Variants in TMC6 observed in about 807,000 individuals in gnomAD.
TMC6 encodes transmembrane channel-like protein 6.
A neutral mutation model predicts 95.4 loss-of-function variants in TMC6; 71 were observed. That is an observed-to-expected ratio of 0.74 (90% CI 0.61 to 0.91). The LOEUF is 0.91. TMC6 is among the 40% of genes least tolerant of loss of function. The pLI is 0.00. For synonymous variants in TMC6, 514 were observed against 483.1 expected (o/e 1.06, Z -0.84); for missense variants, 1,074 against 1,079.1 (o/e 1.00, Z 0.07).
intron 4 of TMC6, 43 bp from the exon 5 acceptor site, chr17:78,125,927 C>T (rs374497811): frequency 2.0e-5 from 31 of 1,549,028 alleles, no homozygotes; most frequent in Admixed American, 3.9e-5. Flanking sequence ...CAGGGCCAGG[C>T]CTCCCTCCCC....
intron 8 of TMC6, 43 bp from the exon 9 acceptor site, chr17:78,124,222 C>A: frequency 6.2e-7 from 1 of 1,605,578 alleles, no homozygotes; most frequent in East Asian, 2.2e-5. Flanking sequence ...TTTCCCCACG[C>A]CCCACCCGAC....
chr17:78,123,996 C>A lies in TMC6; in HGVS notation c.1075G>T (p.Val359Leu), dbSNP rs145227095. The change falls in exon 9 of 20, where the codon GTG (valine) becomes TTG (leucine). Residue 359 changes from valine (V) to leucine (L), a missense_variant. Transcript: ENST00000590602. The part of the protein sequence containing the change: ...VSFFITCITL[V>L]YSMAHSFGES... ...ATGAGGTGGAGGCATTACCTGTACA[C>A]CAGGGTGATGCAGGTGATAAAGAAG... 41 of 1,613,770 alleles carry A rather than the reference C, an allele frequency of 2.5e-5. No individual in the cohort carries two copies. In the African/African-American group the frequency reaches 4.9e-4, roughly 19 times the overall value.
chr17:78,124,478 G>A, intron 8 of TMC6, 46 bp downstream of exon 8: 1 of 1,599,596 alleles, frequency 6.3e-7, no homozygotes, highest in Admixed American at 1.7e-5. Context: ...TACCAGGGTA[G>A]CAGAAGACAG....
chr17:78,120,058 C>A, intron 13 of TMC6: 1 of 380,160 alleles, frequency 2.6e-6, no homozygotes, highest in Non-Finnish European at 5.1e-6. Flanking sequence ...CAGCGGAATA[C>A]CTGGAACATT....
In TMC6 at chr17:78,117,580, C is replaced by A. The variant is rs1462962579; in HGVS notation, c.2086G>T (p.Val696Leu). The change falls in exon 17 of 20, where the codon GTG becomes TTG. Residue 696 changes from valine to leucine, a missense_variant. Physicochemically the swap from Val to Leu is conservative, Grantham distance 32. Coordinates refer to ENST00000590602, the MANE Select transcript of TMC6 (RefSeq NM_001127198.5). The stretch of plus-strand genomic sequence containing the variant: ...GCCGCCTCCAGGTGGCGCACCCACA[C>A]CCTGCCGGCCTCGTACATGGTGTCC... ...TLDTMYEAGRVWVRHLEAAGP... is the reference protein window; with the variant it reads ...TLDTMYEAGRLWVRHLEAAGP... The A allele has an allele frequency of 1.4e-5, 22 of 1,586,222 alleles. No homozygotes were observed. Among genetic ancestry groups the A allele is most frequent in the Non-Finnish European group, 1.7e-5 (20 of 1,167,802 alleles).
intron 18 of TMC6, among the ~76,000 whole-genome samples, chr17:78,116,079 G>A (rs1197569495): frequency 6.6e-6 from 1 of 151,564 alleles, no homozygotes; most frequent in Non-Finnish European, 1.5e-5. Context: ...GCGCAATCTG[G>A]GCTGATTCTC....
chr17:78,127,567 C>G (rs2074786163), intron 1 of TMC6, among the ~76,000 whole-genome samples: 1 of 152,240 alleles, frequency 6.6e-6, no homozygotes, highest in South Asian at 2.1e-4. Context: ...TCTGCCGTCA[C>G]CCGGCACAAC....
rs572502733 is a variant in TMC6 at position 78,109,377 on chromosome 17, G to A, written c.*3771C>T. The A allele has an allele frequency of 2.9e-5, 13 of 448,372 alleles. No individual in the cohort carries two copies. The East Asian group carries it at 4.9e-4, about 17-fold the overall frequency. The allele number at this position is 448,372 out of a possible 1,614,324, so 27.8% of individuals were successfully genotyped here. A position where few individuals can be genotyped will look rare whatever the true frequency, so the allele number is the denominator to read the frequency against. On this transcript the variant is annotated 3_prime_UTR_variant, in exon 20 of 20. Transcript: ENST00000590602. ...CCAAGAAAACCTACGCAGGATCCAC[G>A]TGGAAACAAAGCTGCTTAGCTCTGC... is the stretch of plus-strand genomic sequence containing the variant.
At chr17:78,114,407 T>C (rs746408727) in intron 18 of TMC6, among the ~76,000 whole-genome samples, 37 of 152,262 alleles carry the variant, frequency 2.4e-4, no homozygotes, top group Middle Eastern at 3.4e-3. Flanking sequence ...GCAATCGTAA[T>C]TCCCCAGCCA....
At position 78,125,733 on chromosome 17, in the gene TMC6, C is replaced by T; in HGVS notation, c.423G>A (p.Glu141=). 2 of 1,566,156 alleles carry T rather than the reference C, an allele frequency of 1.3e-6. No individual in the cohort carries two copies. Among genetic ancestry groups the T allele is most frequent in the South Asian group, 1.2e-5 (1 of 85,206 alleles). Residue 141 remains glutamate, a synonymous_variant, in exon 5 of 20, where the codon GAG becomes GAA. Coordinates refer to ENST00000590602, the MANE Select transcript of TMC6 (RefSeq NM_001127198.5). ...YDLELDPTAL[E]EEEKQSLLVK... is the part of the protein sequence containing the mutation. ...CAGTGCCCACTCACTCACCCTCCTC[C>T]TCCAGGGCCGTGGGGTCCAGCTCCA...
Position 78,117,574 on chromosome 17 carries a change from C to T in TMC6, c.2092G>A (p.Val698Met). The change falls in exon 17 of 20, where the codon GTG becomes ATG. Residue 698 changes from valine to methionine, a missense_variant. By Grantham distance (21) the Val-to-Met change is conservative. Transcript: ENST00000590602. ...GGGCCTGCCGCCTCCAGGTGGCGCA[C>T]CCACACCCTGCCGGCCTCGTACATG... ...DTMYEAGRVW[V>M]RHLEAAGPRV... 2.5e-6 allele frequency: 4 copies of T among 1,588,870 alleles called. No individual in the cohort carries two copies. The highest frequency in any genetic ancestry group is 3.4e-6 in the Non-Finnish European group (4 of 1,169,224).
upstream of TMC6, chr17:78,131,902 G>T: frequency 6.8e-7 from 1 of 1,475,948 alleles, no homozygotes; most frequent in South Asian, 1.3e-5. Flanking sequence ...GAGCCCGCGG[G>T]GGTGCAGACC....
chr17:78,113,805 G>A (rs1281988391), intron 18 of TMC6, 181 bp from the exon 19 acceptor site: 2 of 673,570 alleles, frequency 3.0e-6, no homozygotes, highest in East Asian at 5.6e-5. Context: ...CAAGAGCCAG[G>A]AAGTGGGCGT....
intron 13 of TMC6, 90 bp from the exon 14 acceptor site, chr17:78,119,482 A>C: frequency 7.6e-7 from 1 of 1,320,262 alleles, no homozygotes; most frequent in South Asian, 1.2e-5. Context: ...CCCCGCCCCC[A>C]GCCAGGGGAC....
At chr17:78,120,933 A>C in intron 12 of TMC6, 80 bp downstream of exon 12, 1 of 1,612,268 alleles carries the variant, frequency 6.2e-7, no homozygotes. Context: ...CCTCATCCTA[A>C]GTAGGTTTGG....
rs1455412755 is a variant in TMC6, at chr17:78,111,191, C to G, written c.*1957G>C. ...CGATCACAGCAACACCTCGGCCCCT[C>G]TCGATGAGATCACTGGGCCCCACAG... On this transcript the variant is annotated 3_prime_UTR_variant, in exon 20 of 20. Coordinates refer to ENST00000590602, the MANE Select transcript of TMC6 (RefSeq NM_001127198.5). The G allele has an allele frequency of 6.6e-6, 1 of 152,326 alleles. No homozygotes were observed. The highest frequency in any genetic ancestry group is 1.5e-5 in the Non-Finnish European group (1 of 68,104). The allele number at this position is 152,326 out of a possible 1,614,324, so 9.4% of individuals were successfully genotyped here. A position where few individuals can be genotyped will look rare whatever the true frequency, so the allele number is the denominator to read the frequency against.
Position 78,118,872 on chromosome 17 carries a change from G to T in TMC6, c.1887+99C>A. 3.7e-6 allele frequency: 5 copies of T among 1,345,832 alleles called. No homozygotes were observed. In the South Asian group the frequency reaches 6.3e-5, roughly 17 times the overall value. The allele number at this position is 1,345,832 out of a possible 1,614,324, so 83.4% of individuals were successfully genotyped here. A position where few individuals can be genotyped will look rare whatever the true frequency, so the allele number is the denominator to read the frequency against. On this transcript the variant is annotated intron_variant, in intron 15 of 19. Transcript: ENST00000590602. ...GCCGCCAGCCCCACTCCACTCAGGT[G>T]GGGAGGGTTCTAGTGTCCCAGGCTC... is the stretch of plus-strand genomic sequence containing the variant.
At chr17:78,125,555 T>A (rs570999455) in intron 5 of TMC6, among the ~76,000 whole-genome samples, 171 bp downstream of exon 5, 31 of 152,302 alleles carry the variant, frequency 2.0e-4, no homozygotes, top group Admixed American at 2.0e-3. Context: ...CACTTCCCTG[T>A]CCCCGTGGGT....
chr17:78,119,267 G>A (rs1291453823), intron 14 of TMC6, 30 bp downstream of exon 14: 1 of 1,612,554 alleles, frequency 6.2e-7, no homozygotes, highest in Non-Finnish European at 8.5e-7. Context: ...CGAGGGGCCA[G>A]ACAGTAGGAG....
Sources: allele counts gnomAD v4.1 joint callset (sites outside exome capture counted in the v4.1 genomes callset), GRCh38; gene constraint gnomAD v4.1.1; transcripts MANE v1.5; gene names NCBI Gene and HGNC (gene_info 2026-07-23, HGNC 2026-07-21).